The following ATRNL1 variants were observed in gnomAD, a reference collection of about 807,000 sequenced individuals.
The protein encoded by ATRNL1 is attractin-like protein 1.
A neutral mutation model predicts 182.7 loss-of-function variants in ATRNL1; 95 were observed. The observed-to-expected ratio is 0.52, with a 90% CI of 0.44 to 0.62. The LOEUF is 0.62. Among genes scored for constraint, ATRNL1 ranks in the 20% least tolerant of loss-of-function variants. The pLI is 0.00. For missense variants in ATRNL1, 1,471 were observed against 1,679.5 expected (o/e 0.88, Z 2.17); for synonymous variants, 576 against 568.3 (o/e 1.01, Z -0.19).
At chr10:115,858,089 G>A (rs1951227592) in intron 28 of ATRNL1, among the ~76,000 whole-genome samples, 1 of 152,302 alleles carries the variant, frequency 6.6e-6, no homozygotes, top group East Asian at 1.9e-4. Context: ...TGTTGTGGGT[G>A]TGAATACAAT....
At chr10:115,484,871 A>G (rs1319413023) in intron 24 of ATRNL1, among the ~76,000 whole-genome samples, 9 of 151,940 alleles carry the variant, frequency 5.9e-5, no homozygotes, top group African/African-American at 2.2e-4. Context: ...AAGAAATGTA[A>G]GATGTTTATT....
In ATRNL1 at chr10:115,515,181, A is replaced by G. The variant is rs75399577; in HGVS notation, c.3655-4082A>G. On this transcript the variant is annotated intron_variant, in intron 24 of 28. Coordinates refer to ENST00000355044, the MANE Select transcript of ATRNL1 (RefSeq NM_207303.4). ...CTTTTTGAAACTTTTGAGTTTTCCT[A>G]TTGATTCCCTCTTTTTCCTGCCTCA... Among the ~76,000 whole-genome samples the G allele has an allele frequency of 8.1e-3, 1,235 of 151,828 alleles. 17 individuals carry two copies. Among genetic ancestry groups the G allele is most frequent in the African/African-American group, 0.028 (1,175 of 41,480 alleles).
chr10:115,202,909 A>ATG (rs1564817435), intron 8 of ATRNL1, among the ~76,000 whole-genome samples: 10 of 149,500 alleles, frequency 6.7e-5, no homozygotes, highest in East Asian at 5.9e-4. Context: ...ACAATTTCAG[A>ATG]GCCTGTTATT....
chr10:115,819,141 C>T (rs533408762), intron 27 of ATRNL1, among the ~76,000 whole-genome samples: 1 of 152,158 alleles, frequency 6.6e-6, no homozygotes, highest in South Asian at 2.1e-4. Flanking sequence ...AGCTCCTCTT[C>T]AGATTTCAAC....
chr10:115,233,823 C>A (rs1850061650), intron 9 of ATRNL1, among the ~76,000 whole-genome samples: 1 of 151,994 alleles, frequency 6.6e-6, no homozygotes. Context: ...TTATTATTAA[C>A]TCAACTTGGG....
intron 18 of ATRNL1, among the ~76,000 whole-genome samples, chr10:115,321,579 G>A (rs143974981): frequency 1.2e-4 from 18 of 150,886 alleles, no homozygotes; most frequent in East Asian, 5.8e-4. Flanking sequence ...TTCCTGAAGC[G>A]TCTGTTTCAG....
At chr10:115,663,848 A>T (rs1593031552) in intron 26 of ATRNL1, among the ~76,000 whole-genome samples, 1 of 151,694 alleles carries the variant, frequency 6.6e-6, no homozygotes, top group Non-Finnish European at 1.5e-5. Context: ...TTCTGAAAAT[A>T]CTTTTAGCAC....
chr10:115,911,296 G>A (rs1434836281), intron 28 of ATRNL1, among the ~76,000 whole-genome samples: 1 of 151,478 alleles, frequency 6.6e-6, no homozygotes, highest in Non-Finnish European at 1.5e-5. Flanking sequence ...CACCACGCCC[G>A]GCCTAAAACC....
chr10:115,142,216 T>C (rs2143824049), intron 5 of ATRNL1, among the ~76,000 whole-genome samples: 1 of 152,294 alleles, frequency 6.6e-6, no homozygotes, highest in Middle Eastern at 3.4e-3. Flanking sequence ...TATGATGATA[T>C]GCTTAGGTTT....
chr10:115,223,742 C>T (rs1445178206), intron 9 of ATRNL1, among the ~76,000 whole-genome samples: 1 of 150,742 alleles, frequency 6.6e-6, no homozygotes, highest in Non-Finnish European at 1.5e-5. Context: ...CAAGTCTTAA[C>T]AAATTTAAAA....
At chr10:115,844,134 G>T (rs1232274289) in intron 27 of ATRNL1, among the ~76,000 whole-genome samples, 2 of 152,072 alleles carry the variant, frequency 1.3e-5, no homozygotes, top group Non-Finnish European at 2.9e-5. Flanking sequence ...TACTGAAAAG[G>T]TTTTTGAGAA....
intron 24 of ATRNL1, among the ~76,000 whole-genome samples, chr10:115,509,549 C>T (rs1850281884): frequency 6.6e-6 from 1 of 151,958 alleles, no homozygotes; most frequent in Non-Finnish European, 1.5e-5. Context: ...CATTCCTGCT[C>T]CTGTGCCTGC....
At chr10:115,588,809 A>G (rs1555011200) in intron 26 of ATRNL1, among the ~76,000 whole-genome samples, 4 of 152,206 alleles carry the variant, frequency 2.6e-5, no homozygotes, top group African/African-American at 9.6e-5. Context: ...TATTTAGTGC[A>G]TCTATGGAAG....
At chr10:115,587,367 G>T (rs1198535138) in intron 26 of ATRNL1, among the ~76,000 whole-genome samples, 6 of 151,756 alleles carry the variant, frequency 4.0e-5, no homozygotes, top group African/African-American at 1.2e-4. Context: ...CCTCGCTGCC[G>T]CCTTGCAGTT....
At chr10:115,574,109 TA>T (rs1854566698) in intron 26 of ATRNL1, among the ~76,000 whole-genome samples, 1 of 151,982 alleles carries the variant, frequency 6.6e-6, no homozygotes, top group Non-Finnish European at 1.5e-5. Context: ...TTACTTACGA[TA>T]AAAAGCAAAC....
intron 26 of ATRNL1, among the ~76,000 whole-genome samples, chr10:115,705,589 A>T (rs1946871520): frequency 6.6e-6 from 1 of 151,876 alleles, no homozygotes; most frequent in Non-Finnish European, 1.5e-5. Context: ...GTACTATAAG[A>T]TTACCATCAC....
At chr10:115,856,555 G>A (rs868950386) in intron 28 of ATRNL1, among the ~76,000 whole-genome samples, 26 of 151,736 alleles carry the variant, frequency 1.7e-4, no homozygotes, top group African/African-American at 4.1e-4. Context: ...CACCAGGGAC[G>A]GGTTTCGTGG....
intron 20 of ATRNL1, among the ~76,000 whole-genome samples, chr10:115,423,467 G>T (rs764530729): frequency 6.6e-6 from 1 of 152,156 alleles, no homozygotes; most frequent in African/African-American, 2.4e-5. Flanking sequence ...GATGAAGGCT[G>T]CAGTGAGCTG....
intron 24 of ATRNL1, among the ~76,000 whole-genome samples, chr10:115,486,067 A>C (rs1249246837): frequency 6.6e-6 from 1 of 152,124 alleles, no homozygotes; most frequent in Non-Finnish European, 1.5e-5. Context: ...CCTGCAAAGG[A>C]CATGAACTCA....
Sources: gnomAD v4.1 joint callset for allele counts (sites outside exome capture counted in the v4.1 genomes callset) on GRCh38, gnomAD v4.1.1 for gene constraint, MANE v1.5 for transcripts, NCBI Gene and HGNC (gene_info 2026-07-23, HGNC 2026-07-21) for gene names.